Variants in GPC5 observed in about 807,000 individuals in gnomAD.
The protein encoded by GPC5 is glypican 5.
Under a neutral mutation model 53.9 loss-of-function variants are expected in GPC5, and 47 were observed. That is an observed-to-expected ratio of 0.87 (90% CI 0.69 to 1.11). The LOEUF (loss-of-function observed/expected upper bound fraction) is 1.11. Ranked by LOEUF, GPC5 falls within the 50% of genes most tolerant of loss-of-function variation. GPC5 has a pLI of 0.00. For missense variants in GPC5, 748 were observed against 713.1 expected (o/e 1.05, Z -0.56); for synonymous variants, 286 against 263.3 (o/e 1.09, Z -0.84).
At chr13:92,621,957 A>ATAT (rs890512453) in intron 7 of GPC5, among the ~76,000 whole-genome samples, 1 of 152,176 alleles carries the variant, frequency 6.6e-6, no homozygotes, top group African/African-American at 2.4e-5. Flanking sequence ...AATAATAATA[A>ATAT]TAGAACATAC....
At chr13:92,027,026 A>G (rs1274991449) in intron 6 of GPC5, among the ~76,000 whole-genome samples, 2 of 152,216 alleles carry the variant, frequency 1.3e-5, no homozygotes, top group Non-Finnish European at 2.9e-5. Flanking sequence ...CAAGCATTGC[A>G]GTAACCTAAG....
chr13:91,579,178 T>C (rs870112), intron 2 of GPC5, among the ~76,000 whole-genome samples: 69,764 of 152,050 alleles, frequency 0.46, 17,470 homozygotes, highest in African/African-American at 0.68. Flanking sequence ...TACTGTCACA[T>C]GTGGGATTCA....
intron 7 of GPC5, among the ~76,000 whole-genome samples, chr13:92,190,937 G>A (rs2139047551): frequency 6.6e-6 from 1 of 152,040 alleles, no homozygotes; most frequent in African/African-American, 2.4e-5. Context: ...AAGAATAGAT[G>A]AAAAATCAAG....
intron 7 of GPC5, among the ~76,000 whole-genome samples, chr13:92,294,381 G>A (rs572451065): frequency 6.6e-6 from 1 of 152,124 alleles, no homozygotes; most frequent in South Asian, 2.1e-4. Flanking sequence ...CTCTCTGCTT[G>A]TTATTGGTCT....
At chr13:92,306,209 T>A (rs531270703) in intron 7 of GPC5, among the ~76,000 whole-genome samples, 33 of 152,318 alleles carry the variant, frequency 2.2e-4, no homozygotes, top group African/African-American at 9.6e-5. Context: ...CCATTTTTTT[T>A]AAAATGAAAT....
chr13:92,228,326 A>ATTTT (rs2042504100), intron 7 of GPC5, among the ~76,000 whole-genome samples: 1 of 152,180 alleles, frequency 6.6e-6, no homozygotes, highest in Non-Finnish European at 1.5e-5. Flanking sequence ...AAAAGAAATA[A>ATTTT]AAGTAAAATT....
intron 6 of GPC5, among the ~76,000 whole-genome samples, chr13:92,000,956 T>C (rs1392191782): frequency 6.6e-6 from 1 of 152,110 alleles, no homozygotes; most frequent in East Asian, 1.9e-4. Flanking sequence ...CCACACAGTG[T>C]TGAGGCAAAA....
At chr13:91,621,911 C>A (rs1373779027) in intron 2 of GPC5, among the ~76,000 whole-genome samples, 1 of 151,618 alleles carries the variant, frequency 6.6e-6, no homozygotes, top group Non-Finnish European at 1.5e-5. Context: ...GTAGGGAAGC[C>A]AACAGTGCAG....
At chr13:92,547,663 T>C (rs940170736) in intron 7 of GPC5, among the ~76,000 whole-genome samples, 1 of 152,116 alleles carries the variant, frequency 6.6e-6, no homozygotes, top group Non-Finnish European at 1.5e-5. Flanking sequence ...GAAAGCCATA[T>C]AGCAATTTAG....
At chr13:92,455,757 A>G (rs1878240839) in intron 7 of GPC5, among the ~76,000 whole-genome samples, 2 of 152,304 alleles carry the variant, frequency 1.3e-5, no homozygotes, top group East Asian at 1.9e-4. Context: ...GCTATCAGCT[A>G]TTAAAAGCTA....
chr13:92,334,014 T>G (rs1447851672), intron 7 of GPC5, among the ~76,000 whole-genome samples: 1 of 152,188 alleles, frequency 6.6e-6, no homozygotes, highest in East Asian at 1.9e-4. Flanking sequence ...ATGGAGAACA[T>G]TAAGCATCAT....
At chr13:92,459,859 T>G (rs1044712457) in intron 7 of GPC5, among the ~76,000 whole-genome samples, 2 of 152,172 alleles carry the variant, frequency 1.3e-5, no homozygotes, top group African/African-American at 2.4e-5. Context: ...AACTTTAGCT[T>G]TTTTAAAAAA....
chr13:91,500,958 CTT>C lies in GPC5; in HGVS notation c.325+52037_325+52038del, dbSNP rs201277864. On this transcript the variant is annotated intron_variant, in intron 2 of 7. Coordinates refer to ENST00000377067, the MANE Select transcript of GPC5 (RefSeq NM_004466.6). ...CTTTCGCTTGGTTCTCATTTTCTCT[CTT>C]GTCTACTGCCATGGAAGATGTGCCT... is the stretch of plus-strand genomic sequence containing the variant. 7.3e-3 allele frequency among the ~76,000 whole-genome samples: 1,117 copies of C among 152,280 alleles called. 15 individuals are homozygous for C. Among genetic ancestry groups the C allele is most frequent in the African/African-American group, 0.024 (1,009 of 41,562 alleles).
At chr13:91,717,038 C>G (rs956367847) in intron 3 of GPC5, among the ~76,000 whole-genome samples, 3 of 152,122 alleles carry the variant, frequency 2.0e-5, no homozygotes, top group Admixed American at 1.3e-4. Flanking sequence ...CCACCGGGGA[C>G]GTGCAAACCA....
intron 6 of GPC5, among the ~76,000 whole-genome samples, chr13:92,055,156 A>C (rs1300757872): frequency 6.6e-6 from 1 of 152,182 alleles, no homozygotes; most frequent in African/African-American, 2.4e-5. Context: ...GTGAGTCCCT[A>C]TATGTTGCAA....
At chr13:91,436,887 T>C (rs1880017122) in intron 1 of GPC5, among the ~76,000 whole-genome samples, 1 of 152,238 alleles carries the variant, frequency 6.6e-6, no homozygotes, top group African/African-American at 2.4e-5. Context: ...TGGGTGCATA[T>C]ATATTTAAGA....
chr13:91,883,197 T>TTTA (rs2039286011), intron 5 of GPC5, among the ~76,000 whole-genome samples: 2 of 152,156 alleles, frequency 1.3e-5, no homozygotes, highest in South Asian at 4.1e-4. Context: ...GGAGGGACTC[T>TTTA]TAGTTATAGT....
At chr13:91,822,320 T>C (rs78822592) in intron 5 of GPC5, among the ~76,000 whole-genome samples, 1,924 of 152,288 alleles carry the variant, frequency 0.013, 20 homozygotes, top group African/African-American at 0.028. Flanking sequence ...GGACACTCTT[T>C]GCTCTTTGGA....
chr13:91,679,766 G>C (rs1337962637), intron 2 of GPC5, among the ~76,000 whole-genome samples: 1 of 152,182 alleles, frequency 6.6e-6, no homozygotes, highest in Non-Finnish European at 1.5e-5. Context: ...ATTATTGACT[G>C]TTAAATATAA....
Sources: allele counts gnomAD v4.1 joint callset (sites outside exome capture counted in the v4.1 genomes callset), GRCh38; gene constraint gnomAD v4.1.1; transcripts MANE v1.5; gene names NCBI Gene and HGNC (gene_info 2026-07-23, HGNC 2026-07-21).